The following CA5A variants were observed in gnomAD, a reference collection of about 807,000 sequenced individuals.
CA5A encodes the protein carbonic anhydrase 5A, also known as carbonic anhydrase 5A, mitochondrial.
CA5A carries 28 observed loss-of-function variants against 37.1 expected under a neutral mutation model. The observed-to-expected ratio is 0.75, with a 90% CI of 0.56 to 1.03. CA5A has a LOEUF of 1.03. CA5A is among the 50% of genes least tolerant of loss of function. CA5A has a pLI of 0.00. For synonymous variants in CA5A, 171 were observed against 158.4 expected, an observed-to-expected ratio of 1.08 and a Z score of -0.60; for missense variants, 444 against 399.9, an observed-to-expected ratio of 1.11 and a Z score of -0.94.
intron 2 of CA5A, among the ~76,000 whole-genome samples, chr16:87,925,100 TGAGC>T (rs1276677303): frequency 6.6e-6 from 1 of 151,948 alleles, no homozygotes; most frequent in East Asian, 1.9e-4. Flanking sequence ...CAACAGTGAG[TGAGC>T]AAGATCCCCA....
chr16:87,929,292 T>C (rs904037039), intron 1 of CA5A, among the ~76,000 whole-genome samples: 4 of 149,866 alleles, frequency 2.7e-5, no homozygotes, highest in Admixed American at 6.6e-5. Flanking sequence ...TCTCTACTAA[T>C]AATGCAAAAA....
chr16:87,897,268 G>A (rs1370002939), intron 5 of CA5A, among the ~76,000 whole-genome samples: 3 of 152,278 alleles, frequency 2.0e-5, no homozygotes, highest in African/African-American at 7.2e-5. Flanking sequence ...CAGGGAGGAG[G>A]GGGGACCCCA....
chr16:87,917,795 C>G (rs2056174708), intron 2 of CA5A, among the ~76,000 whole-genome samples: 1 of 100,672 alleles, frequency 9.9e-6, no homozygotes, highest in Non-Finnish European at 1.8e-5. Context: ...CATGTATACA[C>G]AGTGCACATG....
chr16:87,899,856 G>A (rs2055852674), intron 5 of CA5A, among the ~76,000 whole-genome samples: 1 of 141,878 alleles, frequency 7.0e-6, no homozygotes. Context: ...GAAGGCGGAG[G>A]TTGCAGTGAG....
intron 4 of CA5A, chr16:87,882,616 C>A (rs1463224650): frequency 1.3e-5 from 2 of 152,216 alleles, no homozygotes; most frequent in African/African-American, 4.8e-5. Context: ...TGGGCTGGGC[C>A]CAACATGTCA....
At chr16:87,924,142 C>A (rs12444596) in intron 2 of CA5A, 606,588 of 985,106 alleles carry the variant, frequency 0.62, 188,674 homozygotes, top group African/African-American at 0.78. Context: ...CTGGTTGTCC[C>A]ACTTTCCCTC....
chr16:87,888,594 C>T (rs191699476), intron 6 of CA5A, among the ~76,000 whole-genome samples: 9 of 152,136 alleles, frequency 5.9e-5, no homozygotes, highest in African/African-American at 1.4e-4. Context: ...GCTAGCTACT[C>T]GAGAGGGCCA....
chr16:87,916,167 C>CA (rs371241361), intron 2 of CA5A, among the ~76,000 whole-genome samples: 10,193 of 108,536 alleles, frequency 0.094, 847 homozygotes, highest in African/African-American at 0.22. Flanking sequence ...GACTCCGTCT[C>CA]AAAAAAAAAA....
rs1187773121 is a variant in CA5A, at chr16:87,917,778, A to G, written c.340+8970T>C. Among the ~76,000 whole-genome samples, 23 of 137,262 alleles carry G rather than the reference A, an allele frequency of 1.7e-4. 1 individual carries two copies. Among genetic ancestry groups the G allele is most frequent in the Non-Finnish European group, 3.1e-4 (20 of 65,254 alleles). The allele number at this position is 137,262 out of a possible 152,430, so 90.0% of individuals were successfully genotyped here. A position where few individuals can be genotyped will look rare whatever the true frequency, so the allele number is the denominator to read the frequency against. On this transcript the variant is annotated intron_variant, in intron 2 of 6. Transcript: ENST00000649794. ...GTATACACAGTGCACATGTGCACAC[A>G]TGCACACATGTATACACAGTGCACA... is the stretch of plus-strand genomic sequence containing the variant.
At chr16:87,928,531 A>G (rs537771454) in intron 1 of CA5A, among the ~76,000 whole-genome samples, 73 of 152,240 alleles carry the variant, frequency 4.8e-4, no homozygotes, top group Non-Finnish European at 9.1e-4. Context: ...ATTATCTTGT[A>G]AGTTGCCTTT....
rs147445305 is a variant in CA5A, at chr16:87,899,223, G to C, written c.618+2689C>G. On this transcript the variant is annotated intron_variant, in intron 5 of 6. Coordinates refer to ENST00000649794, the MANE Select transcript of CA5A (RefSeq NM_001739.2). ...GCCTCTAGGCGAGAGAGTTGTTCAA[G>C]TCTCTTCCCATTCCCTGGCCCATGA... 4.8e-4 allele frequency among the ~76,000 whole-genome samples: 72 copies of C among 149,612 alleles called. 1 individual carries two copies. The highest frequency in any genetic ancestry group is 1.7e-3 in the African/African-American group (70 of 40,882).
Position 87,926,890 on chromosome 16 carries a change from A to G in CA5A, c.198T>C (p.Pro66=), listed in dbSNP as rs1398871100. 1 of 1,610,224 alleles carries G rather than the reference A, an allele frequency of 6.2e-7. No individual in the cohort carries two copies. Among genetic ancestry groups the G allele is most frequent in the South Asian group, 1.1e-5 (1 of 90,486 alleles). Residue 66 remains proline, a synonymous_variant, in exon 2 of 7, where the codon CCT becomes CCC. Coordinates refer to ENST00000649794, the MANE Select transcript of CA5A (RefSeq NM_001739.2). ...CGCTGTCCCTCCACTGGATGTTAATAGGAGACTGCCGGGTGCCCCCTGGCA... is the reference window on the plus strand; with the variant it reads ...CGCTGTCCCTCCACTGGATGTTAATGGGAGACTGCCGGGTGCCCCCTGGCA... The part of the protein sequence containing the change: ...VSVPGGTRQS[P]INIQWRDSVY...
intron 2 of CA5A, among the ~76,000 whole-genome samples, chr16:87,921,351 C>A (rs887415522): frequency 6.6e-6 from 1 of 152,224 alleles, no homozygotes; most frequent in South Asian, 2.1e-4. Flanking sequence ...CATTCAGAGG[C>A]CCCGAAATTG....
At chr16:87,930,801 C>G (rs913922418) in intron 1 of CA5A, among the ~76,000 whole-genome samples, 1 of 150,686 alleles carries the variant, frequency 6.6e-6, no homozygotes, top group Non-Finnish European at 1.5e-5. Flanking sequence ...AGTGCAGTGA[C>G]GCGATCTCAG....
chr16:87,930,735 A>ATTTTTTTTTTTT (rs68126628), intron 1 of CA5A, among the ~76,000 whole-genome samples: 1 of 134,498 alleles, frequency 7.4e-6, no homozygotes, highest in Non-Finnish European at 1.6e-5. Context: ...CTTTGGATCT[A>ATTTTTTTTTTTT]TTTTTTTTTT....
At chr16:87,882,758 C>G (rs938443844) in intron 4 of CA5A, 7 of 152,344 alleles carry the variant, frequency 4.6e-5, no homozygotes, top group Admixed American at 4.6e-4. Flanking sequence ...GAATCGAAGT[C>G]AGGCGCAGCA....
intron 1 of CA5A, among the ~76,000 whole-genome samples, chr16:87,927,519 A>C (rs1328851960): frequency 2.6e-5 from 4 of 152,124 alleles, no homozygotes; most frequent in Admixed American, 2.6e-4. Flanking sequence ...CTCGAGGCTC[A>C]TTTCAAACTG....
chr16:87,934,818 G>A (rs111475316), intron 1 of CA5A, among the ~76,000 whole-genome samples: 1 of 152,106 alleles, frequency 6.6e-6, no homozygotes, highest in Admixed American at 6.6e-5. Context: ...AAATTAGTTG[G>A]GCGTGGTGGC....
At chr16:87,923,031 C>T (rs1176474295) in intron 2 of CA5A, among the ~76,000 whole-genome samples, 2 of 152,242 alleles carry the variant, frequency 1.3e-5, no homozygotes, top group Non-Finnish European at 2.9e-5. Flanking sequence ...TGAAGGGCTA[C>T]AATCTGCAGT....
Sources: allele counts gnomAD v4.1 joint callset (sites outside exome capture counted in the v4.1 genomes callset), GRCh38; gene constraint gnomAD v4.1.1; transcripts MANE v1.5; gene names NCBI Gene and HGNC (gene_info 2026-07-23, HGNC 2026-07-21).